ZBTB20: variants seen among roughly 807,000 people sequenced by gnomAD.
The protein encoded by ZBTB20 is zinc finger and BTB domain containing 20.
In ZBTB20, 9 loss-of-function variants were observed where a neutral mutation model predicts 56.9. The ratio of observed to expected loss-of-function variants is 0.16; its 90% CI spans 0.10 to 0.28. The LOEUF is 0.28. Among genes scored for constraint, ZBTB20 ranks in the 10% least tolerant of loss-of-function variants. The pLI, the probability that ZBTB20 is intolerant of heterozygous loss-of-function variation, is 1.00. For synonymous variants in ZBTB20, 417 were observed against 420.7 expected, an observed-to-expected ratio of 0.99 and a Z score of 0.11; for missense variants, 655 against 1,003.0, an observed-to-expected ratio of 0.65 and a Z score of 4.69.
chr3:114,608,146 T>TA (rs914798095), intron 6 of ZBTB20, among the ~76,000 whole-genome samples: 1 of 152,054 alleles, frequency 6.6e-6, no homozygotes, highest in Non-Finnish European at 1.5e-5. Flanking sequence ...AAGGATGCTT[T>TA]AAAAAAACAA....
At chr3:114,694,699 T>C (rs1161546563) in intron 5 of ZBTB20, among the ~76,000 whole-genome samples, 1 of 151,998 alleles carries the variant, frequency 6.6e-6, no homozygotes, top group Non-Finnish European at 1.5e-5. Context: ...GAATCATAAG[T>C]ATCTAACACA....
intron 7 of ZBTB20, among the ~76,000 whole-genome samples, chr3:114,435,794 G>T (rs906270265): frequency 1.3e-5 from 2 of 152,088 alleles, no homozygotes; most frequent in African/African-American, 4.8e-5. Context: ...ATTTATGCTA[G>T]CTCCTATGTT....
intron 5 of ZBTB20, among the ~76,000 whole-genome samples, chr3:114,699,552 A>G (rs563176643): frequency 6.6e-6 from 1 of 152,246 alleles, no homozygotes; most frequent in African/African-American, 2.4e-5. Flanking sequence ...TTTCTCAAAA[A>G]TTCCAGCGAA....
chr3:114,634,959 G>A (rs2059175356), intron 6 of ZBTB20, among the ~76,000 whole-genome samples: 1 of 152,214 alleles, frequency 6.6e-6, no homozygotes, highest in South Asian at 2.1e-4. Flanking sequence ...TACAGTTAGA[G>A]CTGCCTTGCA....
chr3:114,908,448 A>G (rs1419789975), intron 3 of ZBTB20, among the ~76,000 whole-genome samples: 1 of 152,020 alleles, frequency 6.6e-6, no homozygotes, highest in Non-Finnish European at 1.5e-5. Flanking sequence ...AAAGTTTGCA[A>G]TAACTGTAAT....
chr3:114,553,476 C>T (rs748648791), intron 6 of ZBTB20, among the ~76,000 whole-genome samples: 26 of 152,214 alleles, frequency 1.7e-4, no homozygotes, highest in Non-Finnish European at 3.2e-4. Flanking sequence ...TGTACATTTA[C>T]TACAAGTATA....
intron 7 of ZBTB20, among the ~76,000 whole-genome samples, chr3:114,415,013 G>C (rs2088387858): frequency 6.7e-6 from 1 of 149,998 alleles, no homozygotes; most frequent in Non-Finnish European, 1.5e-5. Flanking sequence ...GCAACTCATA[G>C]CTTTCACAAA....
At chr3:114,610,469 C>CT (rs1394062351) in intron 6 of ZBTB20, among the ~76,000 whole-genome samples, 2 of 152,182 alleles carry the variant, frequency 1.3e-5, no homozygotes, top group Non-Finnish European at 2.9e-5. Context: ...TGGTGCTACT[C>CT]TGAGCTGTGT....
chr3:114,812,200 T>G (rs2072583809), intron 4 of ZBTB20, among the ~76,000 whole-genome samples: 1 of 152,138 alleles, frequency 6.6e-6, no homozygotes, highest in African/African-American at 2.4e-5. Context: ...CTGCTTTCAT[T>G]CTCTTATCTG....
intron 6 of ZBTB20, among the ~76,000 whole-genome samples, chr3:114,612,748 AG>A (rs1245099076): frequency 6.6e-6 from 1 of 152,194 alleles, no homozygotes; most frequent in Non-Finnish European, 1.5e-5. Flanking sequence ...GGGTAGGTTT[AG>A]GGCCACTGAG....
intron 7 of ZBTB20, among the ~76,000 whole-genome samples, chr3:114,474,647 C>T (rs981465189): frequency 1.2e-4 from 18 of 152,252 alleles, no homozygotes; most frequent in African/African-American, 2.4e-4. Context: ...CAAAATTAAA[C>T]GTGTGCTTTC....
intron 7 of ZBTB20, among the ~76,000 whole-genome samples, chr3:114,469,512 C>T (rs1193730297): frequency 6.6e-6 from 1 of 152,208 alleles, no homozygotes; most frequent in Non-Finnish European, 1.5e-5. Context: ...CATCCACCTG[C>T]ACTACTTCCT....
intron 2 of ZBTB20, among the ~76,000 whole-genome samples, chr3:115,063,443 T>C (rs562227724): frequency 1.3e-5 from 2 of 152,018 alleles, no homozygotes; most frequent in Non-Finnish European, 2.9e-5. Context: ...AGAGACAGAG[T>C]GGAAGCAAGC....
chr3:114,891,459 G>C (rs2076804196), intron 4 of ZBTB20, among the ~76,000 whole-genome samples: 1 of 152,148 alleles, frequency 6.6e-6, no homozygotes, highest in South Asian at 2.1e-4. Flanking sequence ...GTCATGCCTT[G>C]AAACATAGGC....
At chr3:114,581,692 TAA>T (rs753892002) in intron 6 of ZBTB20, among the ~76,000 whole-genome samples, 23 of 126,308 alleles carry the variant, frequency 1.8e-4, no homozygotes, top group Middle Eastern at 7.9e-3. Flanking sequence ...GGCTTACAAC[TAA>T]AAAAAAAAAA....
chr3:114,418,578 A>G (rs2088817515), intron 7 of ZBTB20, among the ~76,000 whole-genome samples: 1 of 106,354 alleles, frequency 9.4e-6, no homozygotes, highest in African/African-American at 2.8e-5. Context: ...ATAGATCTTG[A>G]GTATATTAAA....
At chr3:114,745,944 C>T (rs577113121) in intron 5 of ZBTB20, among the ~76,000 whole-genome samples, 10 of 152,206 alleles carry the variant, frequency 6.6e-5, no homozygotes, top group Admixed American at 3.9e-4. Flanking sequence ...TCAGACTCTC[C>T]GGAAAGCTGT....
At chr3:114,554,232 T>C (rs574493974) in intron 6 of ZBTB20, among the ~76,000 whole-genome samples, 3 of 152,324 alleles carry the variant, frequency 2.0e-5, no homozygotes, top group South Asian at 2.1e-4. Context: ...CAGTGAAATA[T>C]TGAAGGCAGG....
At chr3:114,866,655 G>A (rs1338606091) in intron 4 of ZBTB20, among the ~76,000 whole-genome samples, 1 of 152,156 alleles carries the variant, frequency 6.6e-6, no homozygotes. Context: ...CAAAAAGGCT[G>A]ACTCTCTCAC....
Sources: allele counts gnomAD v4.1 joint callset (sites outside exome capture counted in the v4.1 genomes callset), GRCh38; gene constraint gnomAD v4.1.1; transcripts MANE v1.5; gene names NCBI Gene and HGNC (gene_info 2026-07-23, HGNC 2026-07-21).